DLGAP2: variants seen among roughly 807,000 people sequenced by gnomAD.
DLGAP2 encodes DLG associated protein 2.
In DLGAP2, 26 loss-of-function variants were observed where a neutral mutation model predicts 100.3. The observed-to-expected ratio is 0.26, with a 90% confidence interval of 0.19 to 0.36. The LOEUF (loss-of-function observed/expected upper bound fraction) is 0.36. Among genes scored for constraint, DLGAP2 ranks in the 10% least tolerant of loss-of-function variants. DLGAP2 has a pLI of 1.00. For missense variants in DLGAP2, 1,858 were observed against 1,453.2 expected, an observed-to-expected ratio of 1.28 and a Z score of -4.53; for synonymous variants, 886 against 630.1, an observed-to-expected ratio of 1.41 and a Z score of -6.08.
intron 2 of DLGAP2, among the ~76,000 whole-genome samples, chr8:956,172 TTTTGAG>T (rs368908357): frequency 1.3e-3 from 205 of 152,338 alleles, no homozygotes; most frequent in African/African-American, 2.6e-3. Flanking sequence ...GGTGCATTTC[TTTTGAG>T]TTTATTTCTC....
chr8:1,445,476 A>G (rs1000272764), intron 3 of DLGAP2, among the ~76,000 whole-genome samples: 3 of 151,318 alleles, frequency 2.0e-5, no homozygotes, highest in African/African-American at 7.3e-5. Flanking sequence ...CATTTTCTTA[A>G]TCCAGTCTAT....
At chr8:1,217,654 T>G (rs1798240191) in intron 2 of DLGAP2, among the ~76,000 whole-genome samples, 2 of 152,134 alleles carry the variant, frequency 1.3e-5, no homozygotes, top group South Asian at 4.1e-4. Context: ...AATTTTAACC[T>G]CCCTGGTTAG....
chr8:1,349,737 G>A (rs1332668127), intron 3 of DLGAP2, among the ~76,000 whole-genome samples: 2 of 152,070 alleles, frequency 1.3e-5, no homozygotes, highest in Non-Finnish European at 2.9e-5. Flanking sequence ...TCCACACACA[G>A]GTAGGAAGAG....
chr8:1,442,201 G>T (rs1208916500), intron 3 of DLGAP2, among the ~76,000 whole-genome samples: 3 of 103,574 alleles, frequency 2.9e-5, no homozygotes, highest in South Asian at 3.0e-4. Context: ...CTGCCAGGCT[G>T]CTGATGGGTT....
At chr8:1,219,803 G>T (rs4400413) in intron 2 of DLGAP2, among the ~76,000 whole-genome samples, 48,775 of 151,880 alleles carry the variant, frequency 0.32, 8,112 homozygotes, top group South Asian at 0.51. Flanking sequence ...TTATTGGTCT[G>T]TTCAGGATTT....
intron 3 of DLGAP2, among the ~76,000 whole-genome samples, chr8:1,260,842 T>G (rs7005944): frequency 0.86 from 131,485 of 152,178 alleles, 56,913 homozygotes; most frequent in Middle Eastern, 0.91. Context: ...GGGGAGGTGA[T>G]CTGGCCCCAT....
chr8:1,231,612 A>G (rs955201509), intron 2 of DLGAP2, among the ~76,000 whole-genome samples: 1 of 152,252 alleles, frequency 6.6e-6, no homozygotes, highest in African/African-American at 2.4e-5. Flanking sequence ...GACTGGATAA[A>G]GAAAATGGCT....
chr8:1,262,315 C>T (rs1799367824), intron 3 of DLGAP2: 1 of 152,114 alleles, frequency 6.6e-6, no homozygotes, highest in African/African-American at 2.4e-5. Flanking sequence ...CTTACATGTT[C>T]TGTATTACGA....
intron 3 of DLGAP2, among the ~76,000 whole-genome samples, chr8:1,303,240 A>G (rs1800403283): frequency 6.6e-6 from 1 of 152,144 alleles, no homozygotes; most frequent in African/African-American, 2.4e-5. Flanking sequence ...TACTAAAAAT[A>G]CAAAAAACTA....
intron 2 of DLGAP2, among the ~76,000 whole-genome samples, chr8:945,015 A>G (rs550098927): frequency 8.5e-5 from 13 of 152,304 alleles, no homozygotes; most frequent in Middle Eastern, 3.4e-3. Flanking sequence ...AACACAATCT[A>G]TGTGTTAGAT....
chr8:1,453,631 C>G (rs569901019), intron 3 of DLGAP2, among the ~76,000 whole-genome samples: 1 of 152,280 alleles, frequency 6.6e-6, no homozygotes, highest in Admixed American at 6.5e-5. Context: ...AAGCATAATT[C>G]AACCTGTGCC....
chr8:1,492,209 A>G (rs1224171143), intron 3 of DLGAP2, among the ~76,000 whole-genome samples: 1 of 152,234 alleles, frequency 6.6e-6, no homozygotes, highest in Non-Finnish European at 1.5e-5. Flanking sequence ...AAGAAAAGCC[A>G]TTAGTAATCA....
At chr8:1,326,756 A>G (rs373860078) in intron 3 of DLGAP2, among the ~76,000 whole-genome samples, 24 of 152,308 alleles carry the variant, frequency 1.6e-4, no homozygotes, top group African/African-American at 4.8e-4. Context: ...TGTTTTTCCA[A>G]CTGGAGAGAC....
chr8:817,522 G>C (rs1228949908), intron 1 of DLGAP2, among the ~76,000 whole-genome samples: 3 of 152,118 alleles, frequency 2.0e-5, no homozygotes, highest in Non-Finnish European at 4.4e-5. Flanking sequence ...TGATCTTTTG[G>C]GGGTGGTAAA....
chr8:1,289,734 C>T (rs1378039057), intron 3 of DLGAP2, among the ~76,000 whole-genome samples: 1 of 152,154 alleles, frequency 6.6e-6, no homozygotes, highest in Non-Finnish European at 1.5e-5. Context: ...GACTGTGCAA[C>T]CCCAGGAGAG....
chr8:1,291,927 C>G (rs1434524684), intron 3 of DLGAP2, among the ~76,000 whole-genome samples: 1 of 152,150 alleles, frequency 6.6e-6, no homozygotes, highest in Non-Finnish European at 1.5e-5. Flanking sequence ...TGTTCACTCT[C>G]AAAAGACTCT....
At chr8:1,241,293 C>G (rs1217987940) in intron 2 of DLGAP2, among the ~76,000 whole-genome samples, 4 of 151,858 alleles carry the variant, frequency 2.6e-5, no homozygotes, top group Non-Finnish European at 5.9e-5. Context: ...CTCATTCTCT[C>G]ACATGGAGCC....
chr8:926,081 C>G (rs919999156), intron 2 of DLGAP2, among the ~76,000 whole-genome samples: 3 of 152,160 alleles, frequency 2.0e-5, no homozygotes, highest in Non-Finnish European at 4.4e-5. Context: ...CTGACGCTTT[C>G]ATGTCTGGGC....
intron 2 of DLGAP2, chr8:1,032,990 T>G (rs1210626114): frequency 3.3e-5 from 5 of 152,248 alleles, no homozygotes; most frequent in Admixed American, 3.3e-4. Context: ...AGGGTGATCG[T>G]GGGTAACTAG....
Sources: gnomAD v4.1 joint callset for allele counts (sites outside exome capture counted in the v4.1 genomes callset) on GRCh38, gnomAD v4.1.1 for gene constraint, MANE v1.5 for transcripts, NCBI Gene and HGNC (gene_info 2026-07-23, HGNC 2026-07-21) for gene names.